RGS6: variants seen among roughly 807,000 people sequenced by gnomAD.
RGS6 encodes regulator of G protein signaling 6.
Under a neutral mutation model 78.5 loss-of-function variants are expected in RGS6, and 30 were observed. That is an observed-to-expected ratio of 0.38 (90% CI 0.29 to 0.52). RGS6 has a LOEUF of 0.52. Ranked by LOEUF, RGS6 falls within the 20% of genes least tolerant of loss-of-function variation. The pLI is 0.85. For synonymous variants in RGS6, 206 were observed against 206.0 expected, an observed-to-expected ratio of 1.00 and a Z score of 0.00; for missense variants, 495 against 609.7, an observed-to-expected ratio of 0.81 and a Z score of 1.98.
intron 2 of RGS6, among the ~76,000 whole-genome samples, chr14:72,343,951 C>T (rs1025903225): frequency 6.6e-6 from 1 of 152,344 alleles, no homozygotes; most frequent in Middle Eastern, 3.4e-3. Flanking sequence ...CTATTGTCCT[C>T]ATCCGCACTG....
intron 17 of RGS6, among the ~76,000 whole-genome samples, chr14:72,542,887 A>T (rs2097344958): frequency 6.6e-6 from 1 of 152,156 alleles, no homozygotes; most frequent in Admixed American, 6.5e-5. Flanking sequence ...TTTCCATGAG[A>T]TCCTAAGGAG....
intron 17 of RGS6, among the ~76,000 whole-genome samples, chr14:72,557,202 A>AGAG (rs1489939348): frequency 1.3e-5 from 2 of 151,968 alleles, no homozygotes; most frequent in Non-Finnish European, 2.9e-5. Context: ...TTGAGTTAAT[A>AGAG]GAGGGTGATA....
At position 72,565,500 on chromosome 14, in the gene RGS6, G is replaced by C. The variant is rs926899849; in HGVS notation, c.*3033G>C. On this transcript the variant is annotated 3_prime_UTR_variant, in exon 18 of 18. Coordinates refer to ENST00000553525, the MANE Select transcript of RGS6 (RefSeq NM_001204424.2). Reference sequence around the variant, plus strand: ...GTGATGCGTCAGCTTTGTTCTCCTGGGAAGGTGTTGCTATACCCCAGGAAC... The same window carrying C: ...GTGATGCGTCAGCTTTGTTCTCCTGCGAAGGTGTTGCTATACCCCAGGAAC... 1 of 151,590 alleles carries C rather than the reference G, an allele frequency of 6.6e-6. No individual in the cohort carries two copies. Among genetic ancestry groups the C allele is most frequent in the Non-Finnish European group, 1.5e-5 (1 of 67,914 alleles). The allele number at this position is 151,590 out of a possible 1,614,324, so 9.4% of individuals were successfully genotyped here.
intron 3 of RGS6, among the ~76,000 whole-genome samples, chr14:72,382,499 T>C (rs542782821): frequency 2.0e-4 from 31 of 152,308 alleles, no homozygotes; most frequent in African/African-American, 7.5e-4. Flanking sequence ...CTGGTGGAAG[T>C]GTGCATTCGC....
At chr14:72,232,836 G>A (rs550760861) in intron 2 of RGS6, among the ~76,000 whole-genome samples, 1 of 152,332 alleles carries the variant, frequency 6.6e-6, no homozygotes, top group East Asian at 1.9e-4. Flanking sequence ...GCTGGGATGG[G>A]AGCTGAGGAT....
chr14:72,359,997 G>A (rs959703915), intron 3 of RGS6, among the ~76,000 whole-genome samples: 3 of 152,046 alleles, frequency 2.0e-5, no homozygotes, highest in African/African-American at 4.8e-5. Flanking sequence ...ATGAAGAAAT[G>A]CAGTCATATC....
intron 2 of RGS6, among the ~76,000 whole-genome samples, chr14:72,280,243 C>G (rs1342367673): frequency 6.6e-6 from 1 of 151,704 alleles, no homozygotes; most frequent in East Asian, 1.9e-4. Flanking sequence ...TGAAGTATTA[C>G]CATAAGCATC....
At chr14:72,117,160 G>T (rs1567237627) in intron 2 of RGS6, among the ~76,000 whole-genome samples, 4 of 152,064 alleles carry the variant, frequency 2.6e-5, no homozygotes, top group African/African-American at 7.2e-5. Context: ...AACAAATGTG[G>T]CATGTTGAAA....
intron 3 of RGS6, among the ~76,000 whole-genome samples, chr14:72,397,034 T>C (rs1233100398): frequency 6.6e-6 from 1 of 152,238 alleles, no homozygotes; most frequent in Non-Finnish European, 1.5e-5. Flanking sequence ...GCGGGCTCTT[T>C]TTTTGGTTCC....
intron 5 of RGS6, among the ~76,000 whole-genome samples, chr14:72,458,929 C>A (rs1326487363): frequency 6.6e-6 from 1 of 152,224 alleles, no homozygotes; most frequent in Admixed American, 6.5e-5. Context: ...TGCAGACATT[C>A]AGACCATGGT....
chr14:72,476,404 CA>C (rs1411417597), intron 10 of RGS6, among the ~76,000 whole-genome samples: 1 of 152,156 alleles, frequency 6.6e-6, no homozygotes, highest in Non-Finnish European at 1.5e-5. Flanking sequence ...GCAGTAAGTC[CA>C]GGGGGCGAGG....
chr14:72,378,024 G>T (rs79911895), intron 3 of RGS6, among the ~76,000 whole-genome samples: 3 of 151,932 alleles, frequency 2.0e-5, no homozygotes, highest in Non-Finnish European at 2.9e-5. Flanking sequence ...TAATCTGACC[G>T]CAATGGAATA....
intron 3 of RGS6, among the ~76,000 whole-genome samples, chr14:72,365,540 T>A (rs529955761): frequency 3.3e-5 from 5 of 152,184 alleles, no homozygotes; most frequent in Non-Finnish European, 5.9e-5. Flanking sequence ...ATGGTAGGCA[T>A]TTCTTGACTT....
rs189026293 is a variant in RGS6 at position 72,457,010 on chromosome 14, G to A, written c.236-1261G>A. ...GGGGCAGAAGTATCACTTGAGCCCA[G>A]GAGTTCAAGTCTGCAATGAGCTGTG... On this transcript the variant is annotated intron_variant, in intron 4 of 17. Coordinates refer to ENST00000553525, the MANE Select transcript of RGS6 (RefSeq NM_001204424.2). Among the ~76,000 whole-genome samples, 25 of 149,292 alleles carry A rather than the reference G, an allele frequency of 1.7e-4. 1 individual carries two copies. In the East Asian group the frequency reaches 4.8e-3, roughly 29 times the overall value.
intron 1 of RGS6, among the ~76,000 whole-genome samples, chr14:71,943,195 C>T (rs937282399): frequency 6.6e-6 from 1 of 152,056 alleles, no homozygotes; most frequent in African/African-American, 2.4e-5. Context: ...ATTATTTGTT[C>T]TTAAAGGAGC....
chr14:72,418,271 A>G (rs2093962465), intron 3 of RGS6, among the ~76,000 whole-genome samples: 1 of 151,976 alleles, frequency 6.6e-6, no homozygotes, highest in Non-Finnish European at 1.5e-5. Context: ...GGTTCAAGCA[A>G]TTCTCCTGCC....
At chr14:72,446,250 C>A (rs2095360468) in intron 3 of RGS6, among the ~76,000 whole-genome samples, 1 of 152,158 alleles carries the variant, frequency 6.6e-6, no homozygotes, top group African/African-American at 2.4e-5. Flanking sequence ...CCTCCAGAAC[C>A]ATAGACAATA....
intron 3 of RGS6, among the ~76,000 whole-genome samples, chr14:72,410,717 C>G (rs6574075): frequency 0.48 from 72,448 of 151,652 alleles, 17,841 homozygotes; most frequent in East Asian, 0.6. Flanking sequence ...ACATGTAAGT[C>G]TTTAATCCAT....
At chr14:72,609,237 TC>T in the RGS6 span, among the ~76,000 whole-genome samples, 1 of 152,124 alleles carries the variant, frequency 6.6e-6, no homozygotes, top group Non-Finnish European at 1.5e-5. Context: ...GGCTGCTCGA[TC>T]CCCACATTCT....
Sources: gnomAD v4.1 joint callset for allele counts (sites outside exome capture counted in the v4.1 genomes callset) on GRCh38, gnomAD v4.1.1 for gene constraint, MANE v1.5 for transcripts, NCBI Gene and HGNC (gene_info 2026-07-23, HGNC 2026-07-21) for gene names.